Variants in CBR1 observed in about 807,000 individuals in gnomAD.
CBR1 encodes the protein carbonyl reductase 1.
CBR1 carries 11 observed loss-of-function variants against 10.6 expected under a neutral mutation model. The ratio of observed to expected loss-of-function variants is 1.03; its 90% CI spans 0.65 to 1.71. CBR1 has a LOEUF of 1.71. Among genes scored for constraint, CBR1 ranks in the 40% most tolerant of loss-of-function variants. The pLI is 0.00. For missense variants in CBR1, 361 were observed against 368.6 expected (o/e 0.98, Z 0.17); for synonymous variants, 158 against 156.7 (o/e 1.01, Z -0.06).
chr21:36,071,955 C>T lies in CBR1; in HGVS notation c.398-491C>T, dbSNP rs765482677. 4 of 1,535,958 alleles carry T rather than the reference C, an allele frequency of 2.6e-6. No homozygotes were observed. The South Asian group carries it at 4.8e-5, about 18-fold the overall frequency. ...CCCATTTTAACTCCCCTTCAACGTG[C>T]TGAAGGTGCTGGACATGACTATCAC... On this transcript the variant is annotated intron_variant, in intron 2 of 2. Coordinates refer to ENST00000290349, the MANE Select transcript of CBR1 (RefSeq NM_001757.4).
Position 36,070,033 on chromosome 21 carries a change from C to CA in CBR1, c.-82dup. On this transcript the variant is annotated 5_prime_UTR_variant, in exon 1 of 3. Coordinates refer to ENST00000290349, the MANE Select transcript of CBR1 (RefSeq NM_001757.4). ...CGCGCCCACGACCGCCAGACTCGAGCAGTCTCTGGAACACGCTGCGGGGCT... is the reference window on the plus strand; with the variant it reads ...CGCGCCCACGACCGCCAGACTCGAGCAAGTCTCTGGAACACGCTGCGGGGCT... 7.2e-7 allele frequency: 1 copy of CA among 1,383,930 alleles called. No homozygotes were observed. The highest frequency in any genetic ancestry group is 9.4e-7 in the Non-Finnish European group (1 of 1,061,788). The allele number at this position is 1,383,930 out of a possible 1,614,324, so 85.7% of individuals were successfully genotyped here. A position where few individuals can be genotyped will look rare whatever the true frequency, so the allele number is the denominator to read the frequency against.
rs1168612130 is a variant in CBR1, at chr21:36,072,703, G to C, written c.655G>C (p.Asp219His). 1 of 1,614,146 alleles carries C rather than the reference G, an allele frequency of 6.2e-7. No individual in the cohort carries two copies. The highest frequency in any genetic ancestry group is 2.2e-5 in the East Asian group (1 of 44,870). Reference sequence around the variant, plus strand: ...GAAACTGAGTGAGCAGAGGAAAGGGGACAAGATCCTCCTGAATGCCTGCTG... The same window carrying C: ...GAAACTGAGTGAGCAGAGGAAAGGGCACAAGATCCTCCTGAATGCCTGCTG... The part of the protein sequence containing the change: ...ARKLSEQRKG[D>H]KILLNACCPG... The change falls in exon 3 of 3, where the codon GAC becomes CAC. Residue 219 changes from aspartate to histidine, a missense_variant. Coordinates refer to ENST00000290349, the MANE Select transcript of CBR1 (RefSeq NM_001757.4).
Position 36,072,737 on chromosome 21 carries a change from G to A in CBR1, c.689G>A (p.Trp230Ter), listed in dbSNP as rs2065362355. 1 of 1,614,154 alleles carries A rather than the reference G, an allele frequency of 6.2e-7. No homozygotes were observed. The highest frequency in any genetic ancestry group is 2.2e-5 in the East Asian group (1 of 44,870). Residue 230 changes from tryptophan (W) to a stop codon, truncating the protein, a stop_gained, in exon 3 of 3, where the codon TGG (tryptophan) becomes TAG (stop). Coordinates refer to ENST00000290349, the MANE Select transcript of CBR1 (RefSeq NM_001757.4). LOFTEE classifies it high-confidence loss of function. ...KILLNACCPG[W>*]VRTDMAGPKA... ...CTCCTGAATGCCTGCTGCCCAGGGT[G>A]GGTGAGAACTGACATGGCGGGACCC...
Position 36,072,439 on chromosome 21 carries a change from A to T in CBR1, c.398-7A>T, listed in dbSNP as rs891958578. 3 of 1,614,020 alleles carry T rather than the reference A, an allele frequency of 1.9e-6. No homozygotes were observed. The highest frequency in any genetic ancestry group is 2.5e-6 in the Non-Finnish European group (3 of 1,180,006). ...CTTTCTACATAATGCTTTGTGGTGT[A>T]TCTTAGGGAGAGTGGTGAACGTATC... On this transcript the variant is annotated splice_polypyrimidine_tract_variant and splice_region_variant and intron_variant, in intron 2 of 2. Transcript: ENST00000290349.
chr21:36,072,443 T>C lies in CBR1; in HGVS notation c.398-3T>C. 1 of 1,614,066 alleles carries C rather than the reference T, an allele frequency of 6.2e-7. No individual in the cohort carries two copies. Among genetic ancestry groups the C allele is most frequent in the East Asian group, 2.2e-5 (1 of 44,870 alleles). ...CTACATAATGCTTTGTGGTGTATCT[T>C]AGGGAGAGTGGTGAACGTATCTAGC... is the stretch of plus-strand genomic sequence containing the variant. On this transcript the variant is annotated splice_polypyrimidine_tract_variant and splice_region_variant and intron_variant, in intron 2 of 2. Transcript: ENST00000290349.
chr21:36,072,012 A>G, intron 2 of CBR1: 1 of 1,524,690 alleles, frequency 6.6e-7, no homozygotes, highest in Admixed American at 2.0e-5. Flanking sequence ...TGTGATAGTT[A>G]CCCTAAGTAA....
chr21:36,070,351 A>G lies in CBR1; in HGVS notation c.236A>G (p.Lys79Arg), dbSNP rs754868460. 5.0e-6 allele frequency: 8 copies of G among 1,613,092 alleles called. No homozygotes were observed. In the Admixed American group the frequency reaches 8.3e-5, roughly 17 times the overall value. The change falls in exon 1 of 3, where the codon AAG becomes AGG. Residue 79 changes from lysine (K) to arginine (R), a missense_variant. Transcript: ENST00000290349. ...SIRALRDFLR[K>R]EYGGLDVLVN... ...CGCGCCCTGCGCGACTTCCTGCGCA[A>G]GGAGTACGGGGGCCTGGACGTGCTG...
intron 2 of CBR1, 89 bp downstream of exon 2, chr21:36,071,146 C>T (rs897925767): frequency 1.2e-6 from 1 of 864,568 alleles, no homozygotes. Flanking sequence ...CTCCTGCTTC[C>T]TCTCCATGCT....
intron 1 of CBR1, 56 bp downstream of exon 1, chr21:36,070,460 G>T: frequency 1.3e-6 from 2 of 1,512,824 alleles, no homozygotes; most frequent in East Asian, 4.6e-5. Context: ...GGGGCTCCTG[G>T]CGTCTGCGGG....
chr21:36,072,044 C>T (rs1175486459), intron 2 of CBR1: 3 of 1,496,278 alleles, frequency 2.0e-6, no homozygotes. Flanking sequence ...ATGAACCCAC[C>T]CATTAAATAA....
rs1280254619 is a variant in CBR1, at chr21:36,070,291, T to G, written c.176T>G (p.Phe59Cys). 1.2e-6 allele frequency: 2 copies of G among 1,612,938 alleles called. No individual in the cohort carries two copies. ...QLQAEGLSPR[F>C]HQLDIDDLQS... ...CAGGCGGAGGGCCTGAGCCCGCGCTTCCACCAGCTGGACATCGACGATCTG... is the reference window on the plus strand; with the variant it reads ...CAGGCGGAGGGCCTGAGCCCGCGCTGCCACCAGCTGGACATCGACGATCTG... The change falls in exon 1 of 3, where the codon TTC (phenylalanine) becomes TGC (cysteine). Residue 59 changes from phenylalanine to cysteine, a missense_variant. Phe to Cys is a radical substitution (Grantham distance 205, BLOSUM62 -2). Coordinates refer to ENST00000290349, the MANE Select transcript of CBR1 (RefSeq NM_001757.4).
chr21:36,071,547 A>G (rs2065352127), intron 2 of CBR1: 1 of 557,084 alleles, frequency 1.8e-6, no homozygotes, highest in South Asian at 2.3e-5. Context: ...GCCTTTCCCC[A>G]CAATCTAAGA....
rs2065347948 is a variant in CBR1, at chr21:36,070,979, G to A, written c.319G>A (p.Ala107Thr). 1 of 1,612,162 alleles carries A rather than the reference G, an allele frequency of 6.2e-7. No homozygotes were observed. The highest frequency in any genetic ancestry group is 8.5e-7 in the Non-Finnish European group (1 of 1,179,526). The change falls in exon 2 of 3, where the codon GCT becomes ACT. Residue 107 changes from alanine to threonine, a missense_variant. Physicochemically the swap from Ala to Thr is moderately conservative, Grantham distance 58. Coordinates refer to ENST00000290349, the MANE Select transcript of CBR1 (RefSeq NM_001757.4). ...TGATCCCACACCCTTTCATATTCAA[G>A]CTGAAGTGACGATGAAAACAAATTT... ...VADPTPFHIQ[A>T]EVTMKTNFFG...
At chr21:36,071,155 C>A in intron 2 of CBR1, 98 bp downstream of exon 2, 1 of 829,606 alleles carries the variant, frequency 1.2e-6, no homozygotes, top group Non-Finnish European at 2.1e-6. Flanking sequence ...CCTCTCCATG[C>A]TGCACGTGCA....
In CBR1 at chr21:36,070,035, G is replaced by A. The variant is rs1455589371; in HGVS notation, c.-81G>A. 2 of 1,410,112 alleles carry A rather than the reference G, an allele frequency of 1.4e-6. No individual in the cohort carries two copies. Among genetic ancestry groups the A allele is most frequent in the Admixed American group, 3.2e-5 (1 of 31,712 alleles). 87.3% of individuals were successfully genotyped at this position (1,410,112 alleles called of 1,614,324 possible). ...CGCCCACGACCGCCAGACTCGAGCA[G>A]TCTCTGGAACACGCTGCGGGGCTCC... On this transcript the variant is annotated 5_prime_UTR_variant, in exon 1 of 3. Coordinates refer to ENST00000290349, the MANE Select transcript of CBR1 (RefSeq NM_001757.4).
chr21:36,072,515 A>G lies in CBR1; in HGVS notation c.467A>G (p.Gln156Arg). 1 of 1,607,388 alleles carries G rather than the reference A, an allele frequency of 6.2e-7. No individual in the cohort carries two copies. Among genetic ancestry groups the G allele is most frequent in the Non-Finnish European group, 8.5e-7 (1 of 1,177,466 alleles). ...AAAAGCTGCAGCCCAGAGCTGCAGC[A>G]GAAGTTCCGCAGTGAGACCATCACT... is the stretch of plus-strand genomic sequence containing the variant. ...ALKSCSPELQQKFRSETITEE... is the reference protein window; with the variant it reads ...ALKSCSPELQRKFRSETITEE... Residue 156 changes from glutamine to arginine, a missense_variant, in exon 3 of 3, where the codon CAG (glutamine) becomes CGG (arginine). Gln to Arg is a conservative substitution (Grantham distance 43). Transcript: ENST00000290349.
rs772053364 is a variant in CBR1 at position 36,070,217 on chromosome 21, G to A, written c.102G>A (p.Val34=). The change falls in exon 1 of 3, where the codon GTG becomes GTA. Residue 34 remains valine, a synonymous_variant. Coordinates refer to ENST00000290349, the MANE Select transcript of CBR1 (RefSeq NM_001757.4). The part of the protein sequence containing the change: ...DLCRLFSGDV[V]LTARDVTRGQ... ...GCCGGCTGTTCTCGGGGGACGTGGT[G>A]CTCACGGCGCGGGACGTGACGCGGG... is the stretch of plus-strand genomic sequence containing the variant. 1 of 1,608,848 alleles carries A rather than the reference G, an allele frequency of 6.2e-7. No individual in the cohort carries two copies. The highest frequency in any genetic ancestry group is 1.1e-5 in the South Asian group (1 of 90,842).
chr21:36,071,266 C>G (rs537530000), intron 2 of CBR1: 1 of 691,252 alleles, frequency 1.4e-6, no homozygotes. Flanking sequence ...TCCTCCCTGT[C>G]GCACTGGTCT....
At position 36,070,343 on chromosome 21, in the gene CBR1, C is replaced by A. The variant is rs142778878; in HGVS notation, c.228C>A (p.Phe76Leu). ...AGAGCATCCGCGCCCTGCGCGACTT[C>A]CTGCGCAAGGAGTACGGGGGCCTGG... ...DLQSIRALRD[F>L]LRKEYGGLDV... Residue 76 changes from phenylalanine (F) to leucine (L), a missense_variant, in exon 1 of 3, where the codon TTC (phenylalanine) becomes TTA (leucine). Transcript: ENST00000290349. 5.6e-6 allele frequency: 9 copies of A among 1,613,364 alleles called. No homozygotes were observed. Among genetic ancestry groups the A allele is most frequent in the Non-Finnish European group, 7.6e-6 (9 of 1,179,920 alleles).
Sources: allele counts gnomAD v4.1 joint callset, GRCh38; gene constraint gnomAD v4.1.1; transcripts MANE v1.5; gene names NCBI Gene and HGNC (gene_info 2026-07-23, HGNC 2026-07-21).